The following XPO4 variants were observed in gnomAD, a reference collection of about 807,000 sequenced individuals.
The protein encoded by XPO4 is exportin 4.
A neutral mutation model predicts 143.0 loss-of-function variants in XPO4; 39 were observed. That is an observed-to-expected ratio of 0.27 (90% CI 0.21 to 0.36). XPO4 has a LOEUF of 0.36. Among genes scored for constraint, XPO4 ranks in the 10% least tolerant of loss-of-function variants. The probability of loss-of-function intolerance (pLI) is 1.00; values close to 1 mark genes in which losing one functional copy is unlikely to be tolerated. For missense variants in XPO4, 907 were observed against 1,348.0 expected (o/e 0.67, Z 5.12); for synonymous variants, 439 against 474.0 (o/e 0.93, Z 0.96).
intron 22 of XPO4, among the ~76,000 whole-genome samples, chr13:20,785,598 G>A (rs949936248): frequency 1.1e-4 from 16 of 151,804 alleles, no homozygotes; most frequent in African/African-American, 3.2e-4. Flanking sequence ...CCAGGAGGCC[G>A]AGGCAGGAGT....
intron 1 of XPO4, among the ~76,000 whole-genome samples, chr13:20,892,571 G>A (rs1351425739): frequency 6.6e-6 from 1 of 152,066 alleles, no homozygotes; most frequent in Non-Finnish European, 1.5e-5. Context: ...CATAATCAAG[G>A]AAAAGCAAAC....
intron 6 of XPO4, among the ~76,000 whole-genome samples, chr13:20,828,617 A>AC (rs1182770312): frequency 1.3e-5 from 2 of 152,036 alleles, no homozygotes; most frequent in Admixed American, 1.3e-4. Context: ...CTGAAAAGTC[A>AC]CCCCCAAAAT....
At chr13:20,790,441 A>G in intron 19 of XPO4, 21 bp downstream of exon 19, 1 of 1,557,848 alleles carries the variant, frequency 6.4e-7, no homozygotes, top group Non-Finnish European at 8.9e-7. Flanking sequence ...TGGTATGTTC[A>G]CATTCAATTT....
chr13:20,783,767 T>C lies in XPO4; in HGVS notation c.3411A>G (p.Leu1137=). The part of the protein sequence containing the change: ...RKQKMAFLKS[L]EEFMANVGGL... The stretch of plus-strand genomic sequence containing the variant: ...CACCAACATTTGCCATAAATTCTTC[T>C]AAACTCTTTAAGAAGGCCATCTTCT... Residue 1137 remains leucine (L), a synonymous_variant, in exon 23 of 23, where the codon TTA becomes TTG. Coordinates refer to ENST00000255305, the MANE Select transcript of XPO4 (RefSeq NM_022459.5). 1.9e-6 allele frequency: 3 copies of C among 1,614,242 alleles called. No individual in the cohort carries two copies. The highest frequency in any genetic ancestry group is 2.5e-6 in the Non-Finnish European group (3 of 1,180,040).
In XPO4 at chr13:20,812,980, A is replaced by C. The variant is rs553747985; in HGVS notation, c.1174-3013T>G. Among the ~76,000 whole-genome samples the C allele has an allele frequency of 1.7e-4, 26 of 152,302 alleles. No individual in the cohort carries two copies. The South Asian group carries it at 5.4e-3, about 32-fold the overall frequency. ...ACTTGAGACTGGGTAATTTATGAAG[A>C]AAAGAGGTTTAATTGACTCACAGTT... On this transcript the variant is annotated intron_variant, in intron 9 of 22. Coordinates refer to ENST00000255305, the MANE Select transcript of XPO4 (RefSeq NM_022459.5).
intron 4 of XPO4, chr13:20,850,967 T>C: frequency 1.0e-6 from 1 of 985,386 alleles, no homozygotes; most frequent in Non-Finnish European, 1.2e-6. Context: ...TAATTTTTTC[T>C]ACTTTTCAAA....
chr13:20,850,036 G>A (rs1364255389), intron 4 of XPO4: 1 of 831,416 alleles, frequency 1.2e-6, no homozygotes, highest in African/African-American at 1.8e-5. Context: ...AACCCAGGAG[G>A]CGGAGGTTGT....
intron 6 of XPO4, among the ~76,000 whole-genome samples, chr13:20,840,987 T>C (rs906140933): frequency 1.3e-5 from 2 of 152,234 alleles, no homozygotes; most frequent in African/African-American, 4.8e-5. Flanking sequence ...CTAAGTACTT[T>C]ATAAAATATT....
Position 20,807,603 on chromosome 13 carries a change from C to A in XPO4, c.1671G>T (p.Glu557Asp). Residue 557 changes from glutamate (E) to aspartate (D), a missense_variant, in exon 13 of 23, where the codon GAG becomes GAT. By Grantham distance (45) the Glu-to-Asp change is conservative (BLOSUM62 2). Transcript: ENST00000255305. ...GYLLADDTQGETPLIPPEIME... is the reference protein window; with the variant it reads ...GYLLADDTQGDTPLIPPEIME... ...TTATTTCTGGAGGTATTAGCGGAGT[C>A]TCTCCCTGAGTATCATCAGCTAAGA... is the stretch of plus-strand genomic sequence containing the variant. The A allele has an allele frequency of 6.2e-7, 1 of 1,609,116 alleles. No individual in the cohort carries two copies. The highest frequency in any genetic ancestry group is 8.5e-7 in the Non-Finnish European group (1 of 1,178,770).
chr13:20,892,036 G>GT (rs201710562), intron 1 of XPO4, among the ~76,000 whole-genome samples: 33,755 of 144,976 alleles, frequency 0.23, 5,369 homozygotes, highest in East Asian at 0.8. Flanking sequence ...GTTTTGTTTT[G>GT]TTTTTTTTTT....
Position 20,788,617 on chromosome 13 carries a change from C to A in XPO4, c.2917-1G>T. ...AGTACTGATTACAAAGGGTTGGAAA[C>A]TGAAAAAGAAATATTCAATTATTTG... On this transcript the variant is annotated splice_acceptor_variant, in intron 19 of 22. Transcript: ENST00000255305. LOFTEE classifies it high-confidence loss of function. 1 of 1,585,080 alleles carries A rather than the reference C, an allele frequency of 6.3e-7. No homozygotes were observed. The highest frequency in any genetic ancestry group is 8.6e-7 in the Non-Finnish European group (1 of 1,168,544).
At chr13:20,876,180 T>G (rs2060350155) in intron 1 of XPO4, among the ~76,000 whole-genome samples, 1 of 149,322 alleles carries the variant, frequency 6.7e-6, no homozygotes, top group Admixed American at 6.7e-5. Context: ...GAGAATCACT[T>G]GAATCCGGAA....
chr13:20,856,150 A>AC (rs1175073660), intron 3 of XPO4: 17 of 208,684 alleles, frequency 8.1e-5, no homozygotes, highest in African/African-American at 3.9e-4. Flanking sequence ...AAATATTTGT[A>AC]GGGAAAAAAA....
At chr13:20,852,240 G>A (rs114433358) in intron 4 of XPO4, 2 of 985,284 alleles carry the variant, frequency 2.0e-6, no homozygotes, top group Non-Finnish European at 2.4e-6. Flanking sequence ...CTGTCACAAG[G>A]AGCTGGACTC....
chr13:20,894,664 A>G (rs887926614), intron 1 of XPO4, among the ~76,000 whole-genome samples: 1 of 151,972 alleles, frequency 6.6e-6, no homozygotes, highest in African/African-American at 2.4e-5. Flanking sequence ...CAACATGGTA[A>G]AACCCCGTCT....
Position 20,781,007 on chromosome 13 carries a change from T to G in XPO4, c.*2715A>C, listed in dbSNP as rs1391572050. ...AATAAAATGAGAAACAAACAAAGGA[T>G]GTATGGAAAACTAGAGGTTAAAGGA... is the stretch of plus-strand genomic sequence containing the variant. On this transcript the variant is annotated 3_prime_UTR_variant, in exon 23 of 23. Transcript: ENST00000255305. 1.3e-5 allele frequency: 2 copies of G among 152,146 alleles called. No individual in the cohort carries two copies. Among genetic ancestry groups the G allele is most frequent in the Non-Finnish European group, 2.9e-5 (2 of 68,026 alleles). The allele number at this position is 152,146 out of a possible 1,614,324, so 9.4% of individuals were successfully genotyped here.
chr13:20,783,960 A>C, intron 22 of XPO4, 41 bp from the exon 23 acceptor site: 1 of 1,590,880 alleles, frequency 6.3e-7, no homozygotes, highest in South Asian at 1.1e-5. Flanking sequence ...CCTCCTTAGA[A>C]TATCATACAA....
intron 1 of XPO4, among the ~76,000 whole-genome samples, chr13:20,885,591 C>G (rs1222374370): frequency 2.6e-5 from 4 of 152,104 alleles, no homozygotes; most frequent in Non-Finnish European, 5.9e-5. Context: ...CAAAATTATG[C>G]TGTTTATAAG....
rs78578428 is a variant in XPO4 at position 20,901,145 on chromosome 13, GAATT to G, written c.69+1521_69+1524del. On this transcript the variant is annotated intron_variant, in intron 1 of 22. Transcript: ENST00000255305. ...ACCTTGTAAAGCAAAGCTGTTGCAA[GAATT>G]AATAAAATATGTAAAGTATGTAAAG... Among the ~76,000 whole-genome samples, 308 of 152,210 alleles carry G rather than the reference GAATT, an allele frequency of 2.0e-3. 1 individual carries two copies. The highest frequency in any genetic ancestry group is 7.2e-3 in the South Asian group (35 of 4,828).
Sources: gnomAD v4.1 joint callset for allele counts (sites outside exome capture counted in the v4.1 genomes callset) on GRCh38, gnomAD v4.1.1 for gene constraint, MANE v1.5 for transcripts, NCBI Gene and HGNC (gene_info 2026-07-23, HGNC 2026-07-21) for gene names.